The following CRACR2A variants were observed in gnomAD, a reference collection of about 807,000 sequenced individuals.
The protein encoded by CRACR2A is calcium release activated channel regulator 2A, also known as EF-hand calcium-binding domain-containing protein 4B.
Under a neutral mutation model 90.5 loss-of-function variants are expected in CRACR2A, and 79 were observed. The ratio of observed to expected loss-of-function variants is 0.87; its 90% CI spans 0.73 to 1.05. The LOEUF (loss-of-function observed/expected upper bound fraction) is 1.05. Among genes scored for constraint, CRACR2A ranks in the 50% least tolerant of loss-of-function variants. The pLI, the probability that CRACR2A is intolerant of heterozygous loss-of-function variation, is 0.00. For synonymous variants in CRACR2A, 338 were observed against 356.7 expected (o/e 0.95, Z 0.59); for missense variants, 823 against 897.2 (o/e 0.92, Z 1.06).
intron 10 of CRACR2A, among the ~76,000 whole-genome samples, chr12:3,651,178 G>A (rs1423563858): frequency 2.6e-5 from 4 of 152,218 alleles, no homozygotes; most frequent in Non-Finnish European, 1.5e-5. Flanking sequence ...GCGCTATGGA[G>A]CACTTCACAA....
At chr12:3,720,118 T>TGAAG (rs1381100696) in intron 2 of CRACR2A, among the ~76,000 whole-genome samples, 3 of 108,114 alleles carry the variant, frequency 2.8e-5, no homozygotes, top group Admixed American at 1.2e-4. Flanking sequence ...AAACTCTATC[T>TGAAG]CAAGAAAGAA....
In CRACR2A at chr12:3,626,600, T is replaced by C. The variant is rs112281744; in HGVS notation, c.1932+836A>G. Among the ~76,000 whole-genome samples, 1,409 of 152,260 alleles carry C rather than the reference T, an allele frequency of 9.3e-3. 22 individuals carry two copies. The highest frequency in any genetic ancestry group is 0.032 in the African/African-American group (1,341 of 41,534). ...CTCTAGAATAGTGCCTGCCGGTGTT[T>C]TGAACAAATACGTGAACAAACCATG... On this transcript the variant is annotated intron_variant, in intron 17 of 19. Coordinates refer to ENST00000440314, the MANE Select transcript of CRACR2A (RefSeq NM_001144958.2).
At chr12:3,708,807 G>A (rs1591703560) in intron 3 of CRACR2A, among the ~76,000 whole-genome samples, 1 of 152,234 alleles carries the variant, frequency 6.6e-6, no homozygotes, top group East Asian at 1.9e-4. Context: ...TAATTCTTTT[G>A]ACCCAACATT....
chr12:3,654,502 G>A lies in CRACR2A; in HGVS notation c.859-103C>T, dbSNP rs998573029. 3.2e-5 allele frequency: 37 copies of A among 1,139,392 alleles called. No individual in the cohort carries two copies. The South Asian group carries it at 3.4e-4, about 10-fold the overall frequency. The allele number at this position is 1,139,392 out of a possible 1,614,324, so 70.6% of individuals were successfully genotyped here. ...TTTCTCTGCTTGGCAGGCAGGAACC[G>A]TCACTGCCACCCCTCACTGGCCTCA... On this transcript the variant is annotated intron_variant, in intron 9 of 19. Coordinates refer to ENST00000440314, the MANE Select transcript of CRACR2A (RefSeq NM_001144958.2).
intron 2 of CRACR2A, among the ~76,000 whole-genome samples, chr12:3,714,183 A>G (rs1388690979): frequency 6.6e-6 from 1 of 152,210 alleles, no homozygotes; most frequent in Non-Finnish European, 1.5e-5. Flanking sequence ...GCTCATGTTC[A>G]TTCATTTGTT....
chr12:3,669,177 C>A (rs1030594162), intron 7 of CRACR2A, among the ~76,000 whole-genome samples: 1 of 152,196 alleles, frequency 6.6e-6, no homozygotes, highest in African/African-American at 2.4e-5. Context: ...TAAGCCCCCA[C>A]CTCAGACAAG....
chr12:3,705,655 G>GC (rs1256466072), intron 3 of CRACR2A, among the ~76,000 whole-genome samples: 3 of 152,234 alleles, frequency 2.0e-5, no homozygotes, highest in African/African-American at 7.2e-5. Flanking sequence ...AGCTGGCGAT[G>GC]CCTGATAAAG....
At chr12:3,669,310 C>T (rs1945200474) in intron 7 of CRACR2A, among the ~76,000 whole-genome samples, 1 of 152,168 alleles carries the variant, frequency 6.6e-6, no homozygotes, top group Non-Finnish European at 1.5e-5. Context: ...AGCTTTTGTT[C>T]CAGAAAAAGG....
chr12:3,714,701 G>C (rs1946057494), intron 2 of CRACR2A, among the ~76,000 whole-genome samples: 1 of 152,102 alleles, frequency 6.6e-6, no homozygotes, highest in African/African-American at 2.4e-5. Flanking sequence ...TTTGCAATAA[G>C]GAGAGAAAAA....
At chr12:3,732,095 G>T (rs56382339) in intron 2 of CRACR2A, 2 of 152,046 alleles carry the variant, frequency 1.3e-5, no homozygotes, top group Admixed American at 6.5e-5. Context: ...AAAAGTACCC[G>T]CCATTGCTCC....
At chr12:3,716,060 T>A (rs1322129673) in intron 2 of CRACR2A, among the ~76,000 whole-genome samples, 2 of 142,748 alleles carry the variant, frequency 1.4e-5, no homozygotes, top group South Asian at 4.5e-4. Context: ...TCTCCCAGGC[T>A]TTTTTTTTTT....
At chr12:3,676,185 T>C (rs1945332825) in intron 6 of CRACR2A, among the ~76,000 whole-genome samples, 1 of 152,236 alleles carries the variant, frequency 6.6e-6, no homozygotes, top group East Asian at 1.9e-4. Context: ...CCTTGCACTG[T>C]ACTGGATGTC....
intron 11 of CRACR2A, among the ~76,000 whole-genome samples, chr12:3,646,873 T>A (rs1481513749): frequency 6.6e-6 from 1 of 152,176 alleles, no homozygotes; most frequent in Non-Finnish European, 1.5e-5. Context: ...TCTGCTTTTG[T>A]TTGCATCGCT....
At chr12:3,734,655 A>ATGTGTGTGTGTG (rs1475033071) in intron 1 of CRACR2A, among the ~76,000 whole-genome samples, 61 of 74,702 alleles carry the variant, frequency 8.2e-4, no homozygotes, top group African/African-American at 2.7e-3. Flanking sequence ...GTGTGTGTGC[A>ATGTGTGTGTGTG]TATACATAAT....
At position 3,724,677 on chromosome 12, in the gene CRACR2A, G is replaced by C. The variant is rs184306591; in HGVS notation, c.-118+8265C>G. 2.3e-3 allele frequency among the ~76,000 whole-genome samples: 346 copies of C among 152,316 alleles called. 1 individual carries two copies. Among genetic ancestry groups the C allele is most frequent in the African/African-American group, 8.0e-3 (332 of 41,554 alleles). The stretch of plus-strand genomic sequence containing the variant: ...CCAATGATGTCAGCAATATCACCCA[G>C]ACCGTCTGGGGCTGCAAAACAAATA... On this transcript the variant is annotated intron_variant, in intron 2 of 19. Coordinates refer to ENST00000440314, the MANE Select transcript of CRACR2A (RefSeq NM_001144958.2).
intron 2 of CRACR2A, among the ~76,000 whole-genome samples, chr12:3,718,026 C>G (rs1016980859): frequency 1.3e-5 from 2 of 152,156 alleles, no homozygotes; most frequent in African/African-American, 4.8e-5. Flanking sequence ...CCACTTCCTA[C>G]CTGTGATCCT....
chr12:3,699,885 G>C (rs1945808376), intron 3 of CRACR2A, among the ~76,000 whole-genome samples: 1 of 152,194 alleles, frequency 6.6e-6, no homozygotes, highest in Admixed American at 6.5e-5. Context: ...ATTTCAGGCA[G>C]GTAGCTCTAT....
rs572839726 is a variant in CRACR2A, at chr12:3,699,303, A to G, written c.-36-2268T>C. Among the ~76,000 whole-genome samples the G allele has an allele frequency of 6.6e-5, 10 of 152,256 alleles. No individual in the cohort carries two copies. The East Asian group carries it at 1.9e-3, about 29-fold the overall frequency. On this transcript the variant is annotated intron_variant, in intron 3 of 19. Transcript: ENST00000440314. ...ACGTCTTTAATTCATTCATTCATTC[A>G]TCCATTCATTTATTTCCATCTACTG... is the stretch of plus-strand genomic sequence containing the variant.
chr12:3,615,426 G>C lies in CRACR2A; in HGVS notation c.2125C>G (p.Gln709Glu), dbSNP rs1208270896. 2 of 1,550,744 alleles carry C rather than the reference G, an allele frequency of 1.3e-6. No homozygotes were observed. Among genetic ancestry groups the C allele is most frequent in the East Asian group, 2.4e-5 (1 of 40,908 alleles). ...GTGTCCTCTCTCACTGTGTCTTCTT[G>C]CTCCTTGAGGAACCTGGGAGAGGGG... ...LLHLARFLKE[Q>E]EDTVREDTIQ... The change falls in exon 20 of 20, where the codon CAA becomes GAA. Residue 709 changes from glutamine (Q) to glutamate (E), a missense_variant. By Grantham distance (29) the Gln-to-Glu change is conservative. Coordinates refer to ENST00000440314, the MANE Select transcript of CRACR2A (RefSeq NM_001144958.2).
Sources: gnomAD v4.1 joint callset for allele counts (sites outside exome capture counted in the v4.1 genomes callset) on GRCh38, gnomAD v4.1.1 for gene constraint, MANE v1.5 for transcripts, NCBI Gene and HGNC (gene_info 2026-07-23, HGNC 2026-07-21) for gene names.